WDR27: variants seen among roughly 807,000 people sequenced by gnomAD.
WDR27 encodes WD repeat domain 27.
Under a neutral mutation model 114.4 loss-of-function variants are expected in WDR27, and 100 were observed. The observed-to-expected ratio is 0.87, with a 90% CI of 0.74 to 1.03. WDR27 has a LOEUF of 1.03. Among genes scored for constraint, WDR27 ranks in the 50% least tolerant of loss-of-function variants. WDR27 has a pLI of 0.00. For synonymous variants in WDR27, 449 were observed against 423.1 expected (o/e 1.06, Z -0.75); for missense variants, 1,129 against 1,092.9 (o/e 1.03, Z -0.47).
intron 25 of WDR27, among the ~76,000 whole-genome samples, chr6:169,489,408 G>C (rs550211112): frequency 1.3e-5 from 2 of 152,222 alleles, no homozygotes; most frequent in Non-Finnish European, 2.9e-5. Context: ...GCACATGACC[G>C]TCTCCTACTT....
chr6:169,496,758 A>G (rs531014179), intron 25 of WDR27, among the ~76,000 whole-genome samples: 121 of 152,286 alleles, frequency 7.9e-4, no homozygotes, highest in African/African-American at 2.7e-3. Context: ...TTGTACAATG[A>G]AAACTACAAA....
intron 21 of WDR27, among the ~76,000 whole-genome samples, chr6:169,623,775 C>A (rs145947764): frequency 6.6e-6 from 1 of 152,186 alleles, no homozygotes; most frequent in African/African-American, 2.4e-5. Flanking sequence ...TTGACACACA[C>A]GTGAGGCCCC....
intron 25 of WDR27, among the ~76,000 whole-genome samples, chr6:169,494,281 C>T (rs1403334075): frequency 6.6e-6 from 1 of 152,018 alleles, no homozygotes; most frequent in African/African-American, 2.4e-5. Context: ...ACAAAAAGGC[C>T]GACTCTCCCT....
chr6:169,483,708 C>G (rs555740380), intron 25 of WDR27, among the ~76,000 whole-genome samples: 40 of 150,726 alleles, frequency 2.7e-4, no homozygotes, highest in Middle Eastern at 6.8e-3. Flanking sequence ...CACACACACA[C>G]AGACACACAC....
chr6:169,647,696 A>C (rs1404456099), intron 16 of WDR27, 77 bp downstream of exon 16: 1 of 1,194,846 alleles, frequency 8.4e-7, no homozygotes, highest in East Asian at 2.5e-5. Context: ...ATGATACAAT[A>C]GAAAAATGTT....
intron 1 of WDR27, among the ~76,000 whole-genome samples, chr6:169,690,408 C>A (rs1784180714): frequency 6.6e-6 from 1 of 152,216 alleles, no homozygotes; most frequent in South Asian, 2.1e-4. Context: ...CCAGCTCTTA[C>A]AACACAGCAG....
rs77407317 is a variant in WDR27, at chr6:169,459,953, T to C, written c.2646-2319A>G. On this transcript the variant is annotated intron_variant, in intron 25 of 25. Transcript: ENST00000448612. The stretch of plus-strand genomic sequence containing the variant: ...ACCACTAGACCTGCCCTGCCAGAAA[T>C]GTGTACGGGAGCCCCACAAGGTGAA... Among the ~76,000 whole-genome samples, 247 of 152,152 alleles carry C rather than the reference T, an allele frequency of 1.6e-3. 4 individuals are homozygous for C. The East Asian group carries it at 0.029, about 18-fold the overall frequency.
At chr6:169,666,571 A>G (rs2128285612) in intron 6 of WDR27, 1 of 985,538 alleles carries the variant, frequency 1.0e-6, no homozygotes, top group Non-Finnish European at 1.2e-6. Flanking sequence ...CTGGGGCGTC[A>G]CAGACCGCTC....
chr6:169,481,969 G>T (rs1788211152), intron 25 of WDR27, among the ~76,000 whole-genome samples: 1 of 152,192 alleles, frequency 6.6e-6, no homozygotes, highest in African/African-American at 2.4e-5. Flanking sequence ...CTACTGTTGA[G>T]TACATCCCAG....
chr6:169,617,047 C>G (rs2128191002), intron 21 of WDR27, among the ~76,000 whole-genome samples: 1 of 152,252 alleles, frequency 6.6e-6, no homozygotes, highest in Admixed American at 6.5e-5. Context: ...TAACGCTAGG[C>G]TCAACAATGC....
the WDR27 span, among the ~76,000 whole-genome samples, chr6:169,431,547 G>C: frequency 6.6e-6 from 1 of 152,228 alleles, no homozygotes; most frequent in East Asian, 1.9e-4. Flanking sequence ...TTCCCCTCCT[G>C]ATTATAAGCC....
At chr6:169,603,414 A>G (rs1808455210) in intron 22 of WDR27, among the ~76,000 whole-genome samples, 1 of 152,174 alleles carries the variant, frequency 6.6e-6, no homozygotes, top group Admixed American at 6.5e-5. Flanking sequence ...TTACTATTAA[A>G]AAAAAAGAAA....
intron 25 of WDR27, among the ~76,000 whole-genome samples, chr6:169,480,348 C>T (rs2115378374): frequency 6.6e-6 from 1 of 152,330 alleles, no homozygotes; most frequent in Non-Finnish European, 1.5e-5. Context: ...TCCCACGTGG[C>T]CCGAGCCTCC....
At chr6:169,525,823 T>C (rs1293857440) in intron 25 of WDR27, among the ~76,000 whole-genome samples, 1 of 152,126 alleles carries the variant, frequency 6.6e-6, no homozygotes, top group Non-Finnish European at 1.5e-5. Flanking sequence ...ACAGCCAAAA[T>C]ATAGAATCAA....
At position 169,546,570 on chromosome 6, in the gene WDR27, G is replaced by A. The variant is rs149232201; in HGVS notation, c.2645+25849C>T. Among the ~76,000 whole-genome samples the A allele has an allele frequency of 3.1e-3, 467 of 152,174 alleles. 2 individuals are homozygous for A. The highest frequency in any genetic ancestry group is 0.01 in the African/African-American group (419 of 41,520). On this transcript the variant is annotated intron_variant, in intron 25 of 25. Coordinates refer to ENST00000448612, the MANE Select transcript of WDR27 (RefSeq NM_182552.5). ...CTAAACCACTGAAGCCACCCTCTTC[G>A]TGCCACTGAGCACACCTGAGGCCGT... is the stretch of plus-strand genomic sequence containing the variant.
chr6:169,500,879 C>T (rs962272821), intron 25 of WDR27, among the ~76,000 whole-genome samples: 3 of 152,194 alleles, frequency 2.0e-5, no homozygotes, highest in Admixed American at 6.5e-5. Context: ...CCCAGGGCCC[C>T]GTGCAGGGCA....
chr6:169,545,518 G>A (rs536812623), intron 25 of WDR27, among the ~76,000 whole-genome samples: 5 of 152,042 alleles, frequency 3.3e-5, no homozygotes, highest in Non-Finnish European at 4.4e-5. Flanking sequence ...CCATCTCTAC[G>A]TAAAAATACA....
chr6:169,685,110 C>T (rs779131339), intron 2 of WDR27, among the ~76,000 whole-genome samples: 10 of 152,142 alleles, frequency 6.6e-5, no homozygotes, highest in Non-Finnish European at 1.2e-4. Flanking sequence ...ACTACATCCA[C>T]CTAGAATCAA....
intron 25 of WDR27, among the ~76,000 whole-genome samples, chr6:169,541,741 A>C (rs1796877794): frequency 6.6e-6 from 1 of 152,250 alleles, no homozygotes; most frequent in Non-Finnish European, 1.5e-5. Flanking sequence ...AGAAAAAAGT[A>C]CTTAATGAAT....
Sources: allele counts gnomAD v4.1 joint callset (sites outside exome capture counted in the v4.1 genomes callset), GRCh38; gene constraint gnomAD v4.1.1; transcripts MANE v1.5; gene names NCBI Gene and HGNC (gene_info 2026-07-23, HGNC 2026-07-21).